The following DPP6 variants were observed in gnomAD, a reference collection of about 807,000 sequenced individuals.
The protein encoded by DPP6 is dipeptidyl peptidase like 6.
In DPP6, 69 loss-of-function variants were observed where a neutral mutation model predicts 122.6. The ratio of observed to expected loss-of-function variants is 0.56; its 90% CI spans 0.46 to 0.69. DPP6 has a LOEUF of 0.69. Among genes scored for constraint, DPP6 ranks in the 30% least tolerant of loss-of-function variants. The pLI, the probability that DPP6 is intolerant of heterozygous loss-of-function variation, is 0.00. For missense variants in DPP6, 928 were observed against 1,116.9 expected, an observed-to-expected ratio of 0.83 and a Z score of 2.41; for synonymous variants, 418 against 433.1, an observed-to-expected ratio of 0.97 and a Z score of 0.43.
At chr7:154,829,200 T>C (rs1162220403) in intron 16 of DPP6, among the ~76,000 whole-genome samples, 5 of 137,062 alleles carry the variant, frequency 3.6e-5, no homozygotes, top group Admixed American at 1.6e-4. Context: ...CTGGGCAACA[T>C]GGCAAAACCA....
intron 3 of DPP6, among the ~76,000 whole-genome samples, chr7:154,510,531 C>G (rs947504309): frequency 1.3e-5 from 2 of 151,918 alleles, no homozygotes; most frequent in Non-Finnish European, 2.9e-5. Context: ...AACCCCATCT[C>G]TATTAAAAAT....
intron 7 of DPP6, among the ~76,000 whole-genome samples, chr7:154,697,587 A>G (rs1442311062): frequency 2.0e-5 from 3 of 152,254 alleles, no homozygotes; most frequent in Non-Finnish European, 2.9e-5. Flanking sequence ...CAGAGGTCAC[A>G]TGGATACGTT....
chr7:154,868,033 GC>G lies in DPP6; in HGVS notation c.1755del (p.Ile586Ter). ...DLETNEHVKKAINDRQMPKVE... is the reference protein window; with the variant it reads ...DLETNEHVKKXINDRQMPKVE... ...AGAAACAAATGAACATGTCAAGAAGGCCATAAATGACCGACAGATGCCTAAA... is the reference window on the plus strand; with the variant it reads ...AGAAACAAATGAACATGTCAAGAAGGCATAAATGACCGACAGATGCCTAAA... On this transcript the variant is annotated frameshift_variant, in exon 18 of 26. Coordinates refer to ENST00000377770, the MANE Select transcript of DPP6 (RefSeq NM_130797.4). LOFTEE classifies it high-confidence loss of function. 1 of 1,608,502 alleles carries G rather than the reference GC, an allele frequency of 6.2e-7. No homozygotes were observed. Among genetic ancestry groups the G allele is most frequent in the Non-Finnish European group, 8.5e-7 (1 of 1,177,618 alleles).
chr7:154,884,690 CATG>C (rs1805965766), intron 21 of DPP6: 1 of 70,020 alleles, frequency 1.4e-5, no homozygotes, highest in South Asian at 3.8e-4. Flanking sequence ...CACAAGCACA[CATG>C]ATCACACAGG....
chr7:154,837,403 C>T (rs1366573470), intron 16 of DPP6, among the ~76,000 whole-genome samples: 1 of 152,176 alleles, frequency 6.6e-6, no homozygotes, highest in East Asian at 1.9e-4. Flanking sequence ...TGCATACATG[C>T]ATGTTCACAC....
intron 5 of DPP6, among the ~76,000 whole-genome samples, chr7:154,634,080 T>C (rs987825332): frequency 1.3e-5 from 2 of 151,640 alleles, no homozygotes; most frequent in African/African-American, 4.8e-5. Flanking sequence ...ATATCATATG[T>C]ATACATGTGC....
intron 1 of DPP6, among the ~76,000 whole-genome samples, chr7:154,164,201 CCCTGA>C: frequency 6.7e-6 from 1 of 148,488 alleles, no homozygotes; most frequent in South Asian, 2.2e-4. Context: ...CCCTGCCCTG[CCCTGA>C]CCTGCTGTCC....
At position 154,624,603 on chromosome 7, in the gene DPP6, G is replaced by A. The variant is rs1357745092; in HGVS notation, c.628-13218G>A. On this transcript the variant is annotated intron_variant, in intron 5 of 25. Coordinates refer to ENST00000377770, the MANE Select transcript of DPP6 (RefSeq NM_130797.4). This position sits in a 1 kb window ranked among gnomAD's most constrained non-coding sequence, Gnocchi z 4.7. ...GTCACCAGGCATTTGTTCAGGGCAT[G>A]TGGGCACTAAGAGGATGACCCCGTG... Among the ~76,000 whole-genome samples, 1 of 152,204 alleles carries A rather than the reference G, an allele frequency of 6.6e-6. No individual in the cohort carries two copies. Among genetic ancestry groups the A allele is most frequent in the Non-Finnish European group, 1.5e-5 (1 of 68,018 alleles).
At chr7:154,337,306 T>C (rs934097451) in intron 1 of DPP6, among the ~76,000 whole-genome samples, 1 of 152,204 alleles carries the variant, frequency 6.6e-6, no homozygotes, top group Admixed American at 6.5e-5. Context: ...TGCACATGAC[T>C]TTCTCAGTCT....
intron 1 of DPP6, among the ~76,000 whole-genome samples, chr7:154,438,026 G>C (rs991075216): frequency 6.6e-6 from 1 of 152,162 alleles, no homozygotes; most frequent in Non-Finnish European, 1.5e-5. Context: ...TGTAAGTGTA[G>C]CTAGAATATG....
chr7:154,181,749 CT>C (rs57576340), intron 1 of DPP6, among the ~76,000 whole-genome samples: 3,435 of 134,844 alleles, frequency 0.025, 133 homozygotes, highest in African/African-American at 0.086. Flanking sequence ...GCATCTCCCT[CT>C]TTTTTTTTTT....
rs532063381 is a variant in DPP6, at chr7:154,337,075, A to G, written c.244-109139A>G. On this transcript the variant is annotated intron_variant, in intron 1 of 25. Coordinates refer to ENST00000377770, the MANE Select transcript of DPP6 (RefSeq NM_130797.4). ...ATCAGTGCCTCAAATCTCCTTTCCA[A>G]ACATCCCAGGTATAGAAAGTTACAT... Among the ~76,000 whole-genome samples, 84 of 152,294 alleles carry G rather than the reference A, an allele frequency of 5.5e-4. 3 individuals carry two copies. The South Asian group carries it at 0.017, about 30-fold the overall frequency.
rs143014455 is a variant in DPP6, at chr7:154,742,031, G to A, written c.883+14144G>A. On this transcript the variant is annotated intron_variant, in intron 8 of 25. Transcript: ENST00000377770. ...ATCCTATTTCGAGCCCCTTCTGGGC[G>A]CCCAGATTGGATGAGTCACTATGGA... Among the ~76,000 whole-genome samples, 540 of 152,316 alleles carry A rather than the reference G, an allele frequency of 3.5e-3. 4 individuals are homozygous for A. Among genetic ancestry groups the A allele is most frequent in the African/African-American group, 0.011 (473 of 41,572 alleles).
intron 5 of DPP6, among the ~76,000 whole-genome samples, chr7:154,628,253 A>G (rs1835205406): frequency 6.6e-6 from 1 of 152,180 alleles, no homozygotes; most frequent in Admixed American, 6.5e-5. Flanking sequence ...TCTGAAATCT[A>G]TTTCCTTCTA....
intron 1 of DPP6, among the ~76,000 whole-genome samples, chr7:153,989,472 C>T (rs1457010515): frequency 6.6e-6 from 1 of 151,516 alleles, no homozygotes; most frequent in African/African-American, 2.4e-5. Context: ...CCTGGGCTGG[C>T]CGCTGTCCTG....
chr7:154,735,945 C>T (rs1432470792), intron 8 of DPP6, among the ~76,000 whole-genome samples: 1 of 152,234 alleles, frequency 6.6e-6, no homozygotes, highest in Non-Finnish European at 1.5e-5. Context: ...CCCTGAGTCC[C>T]ACCAGACCCT....
At chr7:154,111,730 C>T (rs1806594643) in intron 1 of DPP6, among the ~76,000 whole-genome samples, 1 of 151,760 alleles carries the variant, frequency 6.6e-6, no homozygotes, top group Non-Finnish European at 1.5e-5. Context: ...TGTCTTCAGA[C>T]TGAAACCTGA....
chr7:154,417,126 A>G (rs531766856), intron 1 of DPP6, among the ~76,000 whole-genome samples: 1 of 152,294 alleles, frequency 6.6e-6, no homozygotes, highest in South Asian at 2.1e-4. Context: ...CAGGAGGTGA[A>G]TGAAGCAAGT....
chr7:153,996,970 C>T (rs1797467287), intron 1 of DPP6, among the ~76,000 whole-genome samples: 1 of 151,970 alleles, frequency 6.6e-6, no homozygotes, highest in South Asian at 2.1e-4. Flanking sequence ...AAATAAATGA[C>T]AAGGCAATTT....
Sources: gnomAD v4.1 joint callset for allele counts (sites outside exome capture counted in the v4.1 genomes callset) on GRCh38, gnomAD v4.1.1 for gene constraint, Gnocchi (gnomAD v3.1) non-coding constraint, MANE v1.5 for transcripts, NCBI Gene and HGNC (gene_info 2026-07-23, HGNC 2026-07-21) for gene names.